The following ARHGAP40 variants were observed in gnomAD, a reference collection of about 807,000 sequenced individuals.
ARHGAP40 encodes Rho GTPase activating protein 40.
ARHGAP40 carries 43 observed loss-of-function variants against 73.5 expected under a neutral mutation model. That is an observed-to-expected ratio of 0.58 (90% confidence interval 0.46 to 0.75). ARHGAP40 has a LOEUF of 0.75. Ranked by LOEUF, ARHGAP40 falls within the 30% of genes least tolerant of loss-of-function variation. The pLI, the probability that ARHGAP40 is intolerant of heterozygous loss-of-function variation, is 0.00. For synonymous variants in ARHGAP40, 300 were observed against 352.8 expected (o/e 0.85, Z 1.68); for missense variants, 734 against 861.8 (o/e 0.85, Z 1.86).
chr20:38,622,317 C>G (rs370263918), intron 1 of ARHGAP40, among the ~76,000 whole-genome samples: 9 of 152,156 alleles, frequency 5.9e-5, no homozygotes, highest in Non-Finnish European at 1.5e-5. Flanking sequence ...TTTCTTCCCT[C>G]TCTTCTGGCA....
At chr20:38,603,827 T>A (rs1270484655) in intron 1 of ARHGAP40, among the ~76,000 whole-genome samples, 3 of 152,188 alleles carry the variant, frequency 2.0e-5, no homozygotes, top group African/African-American at 4.8e-5. Context: ...TCTTCCGTCT[T>A]CAAAGGCAGC....
chr20:38,638,036 G>A (rs530527675), intron 7 of ARHGAP40, among the ~76,000 whole-genome samples: 2 of 152,008 alleles, frequency 1.3e-5, no homozygotes, highest in Admixed American at 6.6e-5. Flanking sequence ...TTGGCTGGGC[G>A]CCGTGGCTCA....
chr20:38,645,788 G>C (rs748396982), intron 11 of ARHGAP40, among the ~76,000 whole-genome samples: 6 of 152,184 alleles, frequency 3.9e-5, no homozygotes, highest in Non-Finnish European at 5.9e-5. Context: ...TCCAGCTTCT[G>C]TCGAGGGGAC....
At chr20:38,641,492 C>T (rs2089018129) in intron 9 of ARHGAP40, among the ~76,000 whole-genome samples, 1 of 152,228 alleles carries the variant, frequency 6.6e-6, no homozygotes, top group Non-Finnish European at 1.5e-5. Flanking sequence ...CCTGCACATG[C>T]ATGCGTGTGT....
intron 2 of ARHGAP40, 22 bp downstream of exon 2, chr20:38,623,580 C>T (rs1034363245): frequency 2.4e-6 from 3 of 1,270,250 alleles, no homozygotes; most frequent in Admixed American, 2.4e-5. Flanking sequence ...TGGCGGGGGC[C>T]TATAGGGGTG....
At chr20:38,641,147 C>T (rs1176015131) in intron 9 of ARHGAP40, among the ~76,000 whole-genome samples, 7 of 152,092 alleles carry the variant, frequency 4.6e-5, no homozygotes, top group Admixed American at 2.0e-4. Flanking sequence ...GCAGGCCTGG[C>T]GCCCAGGGTG....
chr20:38,621,207 AT>A (rs961452280), intron 1 of ARHGAP40, among the ~76,000 whole-genome samples: 19 of 152,202 alleles, frequency 1.2e-4, no homozygotes, highest in Non-Finnish European at 2.6e-4. Context: ...CAGGGGTAAA[AT>A]CAGAACAAAC....
At chr20:38,648,643 C>A in exon 14 of ARHGAP40, 1 of 1,305,188 alleles carries the variant, frequency 7.7e-7, no homozygotes, top group Non-Finnish European at 1.0e-6. Flanking sequence ...TGTTTTACAG[C>A]CATAGGTCCA....
intron 11 of ARHGAP40, among the ~76,000 whole-genome samples, chr20:38,645,031 C>T (rs548721720): frequency 6.6e-6 from 1 of 152,302 alleles, no homozygotes; most frequent in East Asian, 1.9e-4. Context: ...CCTACCCTGC[C>T]TGGGCACTCG....
At chr20:38,604,691 G>T (rs1329057456) in intron 1 of ARHGAP40, among the ~76,000 whole-genome samples, 1 of 151,902 alleles carries the variant, frequency 6.6e-6, no homozygotes, top group East Asian at 1.9e-4. Flanking sequence ...AATGCGCCTG[G>T]CCCAGAACAG....
chr20:38,608,090 T>G (rs2088782642), intron 1 of ARHGAP40, among the ~76,000 whole-genome samples: 1 of 152,240 alleles, frequency 6.6e-6, no homozygotes, highest in Admixed American at 6.5e-5. Flanking sequence ...TAAGTCTTGA[T>G]GTAATCAACT....
intron 3 of ARHGAP40, 34 bp from the exon 4 acceptor site, chr20:38,628,893 A>AT: frequency 7.8e-7 from 1 of 1,287,386 alleles, no homozygotes; most frequent in Non-Finnish European, 1.0e-6. Flanking sequence ...AGCTTCCCAC[A>AT]TGAGTAATTG....
At chr20:38,605,730 T>C (rs2088767378) in intron 1 of ARHGAP40, among the ~76,000 whole-genome samples, 1 of 152,228 alleles carries the variant, frequency 6.6e-6, no homozygotes, top group Non-Finnish European at 1.5e-5. Context: ...TTCATAAATA[T>C]TTACATACAT....
At chr20:38,635,162 G>A (rs914899755) in intron 6 of ARHGAP40, among the ~76,000 whole-genome samples, 1 of 152,060 alleles carries the variant, frequency 6.6e-6, no homozygotes, top group Non-Finnish European at 1.5e-5. Flanking sequence ...TTACAGGTGT[G>A]AGCCACCACG....
At chr20:38,633,654 C>T (rs114719104) in intron 5 of ARHGAP40, among the ~76,000 whole-genome samples, 2,226 of 152,308 alleles carry the variant, frequency 0.015, 53 homozygotes, top group African/African-American at 0.05. Context: ...GCATCAATTA[C>T]TATTTCTTTC....
chr20:38,607,761 T>C (rs147020612), intron 1 of ARHGAP40, among the ~76,000 whole-genome samples: 20 of 152,316 alleles, frequency 1.3e-4, no homozygotes, highest in Admixed American at 3.3e-4. Flanking sequence ...CAGTACTGAG[T>C]GTTGGCAATC....
chr20:38,642,465 T>A (rs2089025310), intron 10 of ARHGAP40, among the ~76,000 whole-genome samples: 1 of 152,164 alleles, frequency 6.6e-6, no homozygotes, highest in African/African-American at 2.4e-5. Flanking sequence ...GATAATAGCA[T>A]TAATAGCATC....
chr20:38,610,921 G>A (rs531249297), intron 1 of ARHGAP40, among the ~76,000 whole-genome samples: 31 of 116,358 alleles, frequency 2.7e-4, no homozygotes, highest in Admixed American at 2.2e-4. Flanking sequence ...ACAGAGTCTT[G>A]CTCTGTCACC....
chr20:38,603,455 A>ATCTATCTATCTG (rs1555889761), intron 1 of ARHGAP40, among the ~76,000 whole-genome samples: 1 of 126,770 alleles, frequency 7.9e-6, no homozygotes, highest in Admixed American at 8.0e-5. Context: ...CTATCTATCT[A>ATCTATCTATCTG]TCTATCTATT....
Sources: allele counts gnomAD v4.1 joint callset (sites outside exome capture counted in the v4.1 genomes callset), GRCh38; gene constraint gnomAD v4.1.1; transcripts MANE v1.5; gene names NCBI Gene and HGNC (gene_info 2026-07-23, HGNC 2026-07-21).